AMY2B: variants seen among roughly 807,000 people sequenced by gnomAD.
AMY2B encodes amylase alpha 2B, also known as alpha-amylase 2B.
In AMY2B, 63 loss-of-function variants were observed where a neutral mutation model predicts 59.3. That is an observed-to-expected ratio of 1.06 (90% CI 0.87 to 1.31). The LOEUF (loss-of-function observed/expected upper bound fraction) is 1.31. AMY2B is among the 50% of genes most tolerant of loss of function. The pLI is 0.00. For missense variants in AMY2B, 635 were observed against 626.7 expected (o/e 1.01, Z -0.14); for synonymous variants, 180 against 198.1 (o/e 0.91, Z 0.77).
At chr1:103,565,971 TA>T (rs1456814779) in intron 2 of AMY2B, among the ~76,000 whole-genome samples, 15 of 152,240 alleles carry the variant, frequency 9.9e-5, no homozygotes, top group Admixed American at 8.5e-4. Flanking sequence ...CCTTCTGAGG[TA>T]AGTACTTTTT....
chr1:103,575,599 C>A, intron 7 of AMY2B, 59 bp downstream of exon 7: 1 of 1,599,856 alleles, frequency 6.3e-7, no homozygotes, highest in South Asian at 1.1e-5. Context: ...CAATCTTGTT[C>A]TAACTTAATA....
At position 103,573,909 on chromosome 1, in the gene AMY2B, G is replaced by A; in HGVS notation, c.715G>A (p.Ala239Thr). Reference protein sequence around the residue: ...LHNLNSNWFPAGSKPFIYQEV... With the variant: ...LHNLNSNWFPTGSKPFIYQEV... ...TAATCTAAACAGTAACTGGTTCCCT[G>A]CAGGAAGTAAACCTTTCATTTACCA... Residue 239 changes from alanine to threonine, a missense_variant, in exon 4 of 10, where the codon GCA becomes ACA. Ala to Thr is a moderately conservative substitution (Grantham distance 58). Coordinates refer to ENST00000684275, the MANE Select transcript of AMY2B (RefSeq NM_001387437.1). 6.2e-7 allele frequency: 1 copy of A among 1,613,804 alleles called. No individual in the cohort carries two copies. Among genetic ancestry groups the A allele is most frequent in the Non-Finnish European group, 8.5e-7 (1 of 1,179,742 alleles).
At chr1:103,575,580 A>G in intron 7 of AMY2B, 40 bp downstream of exon 7, 4 of 1,608,202 alleles carry the variant, frequency 2.5e-6, no homozygotes, top group Non-Finnish European at 3.4e-6. Context: ...TTTCTCAAGA[A>G]ACAGAAGGCA....
upstream of AMY2B, among the ~76,000 whole-genome samples, chr1:103,567,209 A>T (rs1651938992): frequency 6.6e-6 from 1 of 152,118 alleles, no homozygotes; most frequent in Non-Finnish European, 1.5e-5. Context: ...CTTCCACACT[A>T]AGTTGGATGT....
chr1:103,563,645 C>T (rs1651810522), intron 1 of AMY2B, among the ~76,000 whole-genome samples: 1 of 152,086 alleles, frequency 6.6e-6, no homozygotes, highest in Non-Finnish European at 1.5e-5. Context: ...GTGTGTCTAA[C>T]TCTACCTTTC....
intron 1 of AMY2B, among the ~76,000 whole-genome samples, chr1:103,559,014 A>G (rs1435164230): frequency 1.3e-5 from 2 of 152,328 alleles, no homozygotes; most frequent in Middle Eastern, 3.4e-3. Flanking sequence ...TGTAAAAGTT[A>G]CATGCAAATA....
Position 103,571,626 on chromosome 1 carries a change from C to T in AMY2B, c.24C>T (p.Phe8=). The part of the protein sequence containing the change: MKFFLLL[F]TIGFCWAQYS... ...AAATGAAGTTCTTTCTGTTGCTTTT[C>T]ACCATTGGGTTCTGCTGGGCTCAGT... The change falls in exon 1 of 10, where the codon TTC becomes TTT. Residue 8 remains phenylalanine, a synonymous_variant. Coordinates refer to ENST00000684275, the MANE Select transcript of AMY2B (RefSeq NM_001387437.1). 1.9e-6 allele frequency: 3 copies of T among 1,611,522 alleles called. No individual in the cohort carries two copies. The highest frequency in any genetic ancestry group is 2.5e-6 in the Non-Finnish European group (3 of 1,179,442).
At chr1:103,570,183 C>T (rs923723027), upstream of AMY2B, 9 of 478,022 alleles carry the variant, frequency 1.9e-5, no homozygotes, top group East Asian at 5.2e-5. Context: ...TCAGACACTA[C>T]GTCAAGGAGA....
At chr1:103,569,550 G>A (rs796238117), upstream of AMY2B, 9 of 327,328 alleles carry the variant, frequency 2.7e-5, no homozygotes, top group African/African-American at 1.3e-4. Flanking sequence ...TCCACCAGTC[G>A]CAATGGAAGA....
Position 103,575,219 on chromosome 1 carries a change from A to G in AMY2B, c.879-4A>G, listed in dbSNP as rs371928030. The G allele has an allele frequency of 3.8e-5, 61 of 1,613,510 alleles. No homozygotes were observed. The African/African-American group carries it at 5.6e-4, about 15-fold the overall frequency. ...TCAACATATATCTTATTTTTCAAAAATAGGAACTGGGGAGAAGGTTGGGGT... is the reference window on the plus strand; with the variant it reads ...TCAACATATATCTTATTTTTCAAAAGTAGGAACTGGGGAGAAGGTTGGGGT... On this transcript the variant is annotated splice_polypyrimidine_tract_variant and splice_region_variant and intron_variant, in intron 5 of 9. Coordinates refer to ENST00000684275, the MANE Select transcript of AMY2B (RefSeq NM_001387437.1).
intron 7 of AMY2B, among the ~76,000 whole-genome samples, chr1:103,576,825 G>T (rs1205884121): frequency 2.0e-5 from 3 of 152,158 alleles, no homozygotes; most frequent in Non-Finnish European, 4.4e-5. Flanking sequence ...GAGAAATTAT[G>T]TATGTTGATT....
chr1:103,560,695 AGTT>A (rs1430231785), intron 1 of AMY2B, among the ~76,000 whole-genome samples: 9 of 152,076 alleles, frequency 5.9e-5, no homozygotes, highest in Admixed American at 5.9e-4. Flanking sequence ...TCCAGTTTGC[AGTT>A]GTTTTTATTT....
chr1:103,573,646 A>G, intron 3 of AMY2B, 62 bp from the exon 4 acceptor site: 1 of 1,602,386 alleles, frequency 6.2e-7, no homozygotes, highest in Non-Finnish European at 8.5e-7. Flanking sequence ...TGAATAATCA[A>G]ATGGATTCTC....
intron 7 of AMY2B, among the ~76,000 whole-genome samples, chr1:103,576,661 ATGTAT>A (rs775437172): frequency 2.0e-5 from 3 of 152,188 alleles, no homozygotes; most frequent in Non-Finnish European, 4.4e-5. Context: ...AAATGTTCTG[ATGTAT>A]TGTTTTGTAC....
At chr1:103,572,395 C>A (rs12075225) in intron 2 of AMY2B, 139 bp downstream of exon 2, 137,255 of 1,433,256 alleles carry the variant, frequency 0.096, 7,046 homozygotes, top group Middle Eastern at 0.2. Context: ...TCAAAATTAA[C>A]CGTTGCCTTA....
rs1651766310 is a variant in AMY2B, at chr1:103,562,541, A to C, written c.-206-2894A>C. On this transcript the variant is annotated intron_variant, in intron 1 of 11. Transcript: ENST00000361355. Reference sequence around the variant, plus strand: ...TATTTTTTAGTAAGAGAAACAACTAACTTGATCAAGTTCATAAATGTGACA... The same window carrying C: ...TATTTTTTAGTAAGAGAAACAACTACCTTGATCAAGTTCATAAATGTGACA... 2.6e-5 allele frequency among the ~76,000 whole-genome samples: 4 copies of C among 152,134 alleles called. 1 individual carries two copies. The South Asian group carries it at 8.3e-4, about 31-fold the overall frequency.
chr1:103,567,190 A>G (rs1651938201), upstream of AMY2B, among the ~76,000 whole-genome samples: 1 of 152,170 alleles, frequency 6.6e-6, no homozygotes, highest in Non-Finnish European at 1.5e-5. Flanking sequence ...GTGGAAGGAA[A>G]AGTAGTTGCT....
intron 3 of AMY2B, 103 bp downstream of exon 3, chr1:103,573,363 T>C: frequency 6.4e-7 from 1 of 1,568,798 alleles, no homozygotes; most frequent in Non-Finnish European, 8.7e-7. Flanking sequence ...TTTAGATCTC[T>C]TAGGGACACA....
At chr1:103,572,085 G>C (rs370738646) in intron 1 of AMY2B, 25 bp from the exon 2 acceptor site, 45 of 1,611,424 alleles carry the variant, frequency 2.8e-5, no homozygotes, top group South Asian at 1.8e-4. Flanking sequence ...GAATTTGGTA[G>C]TTATGAAGAC....
Sources: gnomAD v4.1 joint callset for allele counts (sites outside exome capture counted in the v4.1 genomes callset) on GRCh38, gnomAD v4.1.1 for gene constraint, MANE v1.5 for transcripts, NCBI Gene and HGNC (gene_info 2026-07-23, HGNC 2026-07-21) for gene names.